SEMA5A: variants seen among roughly 807,000 people sequenced by gnomAD.
SEMA5A encodes semaphorin-5A.
Under a neutral mutation model 135.5 loss-of-function variants are expected in SEMA5A, and 55 were observed. The ratio of observed to expected loss-of-function variants is 0.41; its 90% confidence interval spans 0.33 to 0.51. The LOEUF is 0.51. SEMA5A is among the 20% of genes least tolerant of loss of function. The probability of loss-of-function intolerance (pLI) is 0.37; values close to 1 mark genes in which losing one functional copy is unlikely to be tolerated. For missense variants in SEMA5A, 1,290 were observed against 1,419.9 expected (o/e 0.91, Z 1.47); for synonymous variants, 580 against 546.5 (o/e 1.06, Z -0.85).
chr5:9,497,141 C>A (rs2126811766), intron 1 of SEMA5A, among the ~76,000 whole-genome samples: 1 of 152,238 alleles, frequency 6.6e-6, no homozygotes, highest in East Asian at 1.9e-4. Context: ...CATGGTATTT[C>A]TCTCAGAAAC....
chr5:9,117,171 C>A (rs1740560839), intron 15 of SEMA5A, among the ~76,000 whole-genome samples: 1 of 152,174 alleles, frequency 6.6e-6, no homozygotes, highest in Admixed American at 6.5e-5. Context: ...ACCGCTGTAT[C>A]TTTTCCTGAA....
chr5:9,437,115 G>A (rs1423072277), intron 2 of SEMA5A, among the ~76,000 whole-genome samples: 1 of 152,148 alleles, frequency 6.6e-6, no homozygotes, highest in African/African-American at 2.4e-5. Context: ...AGATGACAGT[G>A]GTATGCACTG....
chr5:9,483,492 C>T (rs1759958177), intron 1 of SEMA5A, among the ~76,000 whole-genome samples: 1 of 152,190 alleles, frequency 6.6e-6, no homozygotes. Context: ...TGAACAAGCT[C>T]TGCATGCATA....
chr5:9,226,945 C>T lies in SEMA5A; in HGVS notation c.356G>A (p.Arg119Gln), dbSNP rs367594031. ...KSKEECQNYI[R>Q]VLLVGGDRLF... The stretch of plus-strand genomic sequence containing the variant: ...CCGGTCGCCACCCACCAGAAGCACC[C>T]GGATGTAGTTCTGACATTCCTCCTG... The change falls in exon 7 of 23, where the codon CGG becomes CAG. Residue 119 changes from arginine (R) to glutamine (Q), a missense_variant. Physicochemically the swap from Arg to Gln is conservative, Grantham distance 43. This residue lies in a region of SEMA5A where 145 missense variants were observed against 212.0 expected (regional missense o/e 0.68). Transcript: ENST00000382496. 3.8e-5 allele frequency: 59 copies of T among 1,558,092 alleles called. No individual in the cohort carries two copies. The highest frequency in any genetic ancestry group is 1.7e-4 in the Middle Eastern group (1 of 5,902).
At chr5:9,387,568 A>G (rs1030758390) in intron 2 of SEMA5A, among the ~76,000 whole-genome samples, 17 of 152,222 alleles carry the variant, frequency 1.1e-4, no homozygotes, top group African/African-American at 3.6e-4. Flanking sequence ...CGTTCAATGA[A>G]ACAGGAATAA....
At chr5:9,049,416 C>T (rs966680125) in intron 21 of SEMA5A, among the ~76,000 whole-genome samples, 2 of 152,186 alleles carry the variant, frequency 1.3e-5, no homozygotes, top group African/African-American at 2.4e-5. Flanking sequence ...CTGCCTGCCT[C>T]GGCCTCCCAA....
intron 1 of SEMA5A, among the ~76,000 whole-genome samples, chr5:9,537,060 CA>C (rs1354833966): frequency 2.0e-5 from 3 of 151,676 alleles, no homozygotes; most frequent in Non-Finnish European, 4.4e-5. Flanking sequence ...GGATGCTTTT[CA>C]AAAAAGAAAA....
intron 5 of SEMA5A, among the ~76,000 whole-genome samples, chr5:9,250,473 G>C (rs1181543634): frequency 1.3e-5 from 2 of 152,098 alleles, no homozygotes; most frequent in Admixed American, 1.3e-4. Context: ...CAATAAGACA[G>C]TAAATCTTCC....
At chr5:9,334,622 C>A (rs1363230413) in intron 4 of SEMA5A, among the ~76,000 whole-genome samples, 1 of 152,154 alleles carries the variant, frequency 6.6e-6, no homozygotes, top group Non-Finnish European at 1.5e-5. Context: ...GTTGCATCAT[C>A]TTTACAGGTG....
At chr5:9,267,958 A>G (rs555182257) in intron 5 of SEMA5A, among the ~76,000 whole-genome samples, 1 of 152,306 alleles carries the variant, frequency 6.6e-6, no homozygotes, top group East Asian at 1.9e-4. Context: ...TGCATATGAC[A>G]GGATCTGTTA....
intron 4 of SEMA5A, among the ~76,000 whole-genome samples, chr5:9,334,462 T>C (rs1753293468): frequency 6.6e-6 from 1 of 152,234 alleles, no homozygotes; most frequent in Non-Finnish European, 1.5e-5. Flanking sequence ...AGCGTCTGCC[T>C]GAAAGGCATA....
intron 5 of SEMA5A, among the ~76,000 whole-genome samples, chr5:9,312,470 C>A (rs1752186293): frequency 6.6e-6 from 1 of 151,924 alleles, no homozygotes. Context: ...AAATTAAAAG[C>A]AACTCTTGGT....
chr5:9,528,629 A>G (rs1737268144), intron 1 of SEMA5A, among the ~76,000 whole-genome samples: 1 of 152,140 alleles, frequency 6.6e-6, no homozygotes, highest in African/African-American at 2.4e-5. Flanking sequence ...GCCTTCCCAT[A>G]AGGACAGAGA....
intron 16 of SEMA5A, among the ~76,000 whole-genome samples, chr5:9,085,331 C>A (rs1000154623): frequency 9.9e-5 from 15 of 152,156 alleles, no homozygotes; most frequent in African/African-American, 3.4e-4. Flanking sequence ...GAGGTCTTCA[C>A]GGCAGCCCCT....
intron 11 of SEMA5A, among the ~76,000 whole-genome samples, chr5:9,166,613 G>A (rs1464064633): frequency 6.6e-6 from 1 of 152,202 alleles, no homozygotes; most frequent in Non-Finnish European, 1.5e-5. Context: ...GAGGAGAAAT[G>A]ACAACTCTTT....
intron 1 of SEMA5A, among the ~76,000 whole-genome samples, chr5:9,535,634 G>A (rs1402192168): frequency 6.6e-6 from 1 of 152,090 alleles, no homozygotes. Context: ...TCAACCACCT[G>A]GGTTGGGTTC....
chr5:9,097,221 C>T (rs958712068), intron 16 of SEMA5A, among the ~76,000 whole-genome samples: 1 of 152,144 alleles, frequency 6.6e-6, no homozygotes, highest in Admixed American at 6.5e-5. Context: ...TAAGTAGAGA[C>T]CACACTTCCC....
At chr5:9,393,555 AC>A (rs1467121345) in intron 2 of SEMA5A, among the ~76,000 whole-genome samples, 1 of 152,230 alleles carries the variant, frequency 6.6e-6, no homozygotes, top group African/African-American at 2.4e-5. Flanking sequence ...GGAGATAAAA[AC>A]CATAGCTTAA....
At chr5:9,378,358 G>A (rs1755455146) in intron 3 of SEMA5A, among the ~76,000 whole-genome samples, 1 of 152,150 alleles carries the variant, frequency 6.6e-6, no homozygotes, top group South Asian at 2.1e-4. Flanking sequence ...ATAATAAAAT[G>A]AGAAAATCCC....
Sources: gnomAD v4.1 joint callset for allele counts (sites outside exome capture counted in the v4.1 genomes callset) on GRCh38, gnomAD v4.1.1 for gene constraint, gnomAD v4.1.1 regional missense constraint, MANE v1.5 for transcripts, NCBI Gene and HGNC (gene_info 2026-07-23, HGNC 2026-07-21) for gene names.